BCL2L1: variants seen among roughly 807,000 people sequenced by gnomAD.
BCL2L1 encodes bcl-2-like protein 1.
A neutral mutation model predicts 18.7 loss-of-function variants in BCL2L1; 1 was observed. The observed-to-expected ratio is 0.05, with a 90% CI of 0.02 to 0.25. The LOEUF (loss-of-function observed/expected upper bound fraction) is 0.25. Among genes scored for constraint, BCL2L1 ranks in the 10% least tolerant of loss-of-function variants. The pLI is 1.00. For synonymous variants in BCL2L1, 103 were observed against 122.7 expected (o/e 0.84, Z 1.06); for missense variants, 207 against 304.9 (o/e 0.68, Z 2.39).
At chr20:31,716,097 T>C (rs982000229) in intron 2 of BCL2L1, among the ~76,000 whole-genome samples, 3 of 152,190 alleles carry the variant, frequency 2.0e-5, no homozygotes, top group African/African-American at 7.2e-5. Flanking sequence ...GGATGCTATA[T>C]AAGCTTCAAT....
At chr20:31,723,328 T>G, upstream of BCL2L1, 1 of 985,452 alleles carries the variant, frequency 1.0e-6, no homozygotes. Flanking sequence ...TGGGTGAGGG[T>G]GAGGCGCTGG....
At chr20:31,709,340 C>T (rs1005758099) in intron 2 of BCL2L1, among the ~76,000 whole-genome samples, 6 of 152,010 alleles carry the variant, frequency 3.9e-5, no homozygotes, top group South Asian at 2.1e-4. Flanking sequence ...CGCGCGTGCA[C>T]GCGTGTGTAA....
intron 2 of BCL2L1, among the ~76,000 whole-genome samples, chr20:31,681,502 T>C (rs1191676781): frequency 6.6e-6 from 1 of 152,054 alleles, no homozygotes; most frequent in African/African-American, 2.4e-5. Flanking sequence ...TGACACAAAG[T>C]AGCCAGGCGT....
At chr20:31,694,752 A>G (rs2061139792) in intron 2 of BCL2L1, among the ~76,000 whole-genome samples, 1 of 152,160 alleles carries the variant, frequency 6.6e-6, no homozygotes, top group African/African-American at 2.4e-5. Flanking sequence ...ATTGAAGGAA[A>G]CTAAGGCTTG....
intron 2 of BCL2L1, among the ~76,000 whole-genome samples, chr20:31,702,093 T>TC (rs1265431594): frequency 6.6e-6 from 1 of 152,062 alleles, no homozygotes; most frequent in African/African-American, 2.4e-5. Flanking sequence ...AAACTGAAGG[T>TC]CAAGGAAAGT....
chr20:31,665,588 T>C lies in BCL2L1; in HGVS notation c.*361A>G. ...TTTCTGGGGAAGAGGTTCTGAAAACTTTCAAGCTCCCTGGCAGAAAAACAT... is the reference window on the plus strand; with the variant it reads ...TTTCTGGGGAAGAGGTTCTGAAAACCTTCAAGCTCCCTGGCAGAAAAACAT... On this transcript the variant is annotated 3_prime_UTR_variant, in exon 3 of 3. Transcript: ENST00000307677. 4.1e-6 allele frequency: 1 copy of C among 245,778 alleles called. No individual in the cohort carries two copies. The highest frequency in any genetic ancestry group is 1.1e-4 in the South Asian group (1 of 8,896). The allele number at this position is 245,778 out of a possible 1,614,324, so 15.2% of individuals were successfully genotyped here.
At chr20:31,677,913 T>C (rs1475426321) in intron 2 of BCL2L1, among the ~76,000 whole-genome samples, 1 of 152,092 alleles carries the variant, frequency 6.6e-6, no homozygotes, top group Non-Finnish European at 1.5e-5. Context: ...TCTGGCTGAG[T>C]GTTGGACAGA....
chr20:31,685,293 G>A (rs776574271), intron 2 of BCL2L1, among the ~76,000 whole-genome samples: 7 of 151,974 alleles, frequency 4.6e-5, no homozygotes, highest in Non-Finnish European at 8.8e-5. Context: ...CCACCTACTC[G>A]GGAGGCTTAG....
In BCL2L1 at chr20:31,718,153, C is replaced by T. The variant is rs188909037; in HGVS notation, c.564+3502G>A. On this transcript the variant is annotated intron_variant, in intron 2 of 2. Transcript: ENST00000307677. ...GGCTATCATTATTCCATTTTACAGG[C>T]GGGAGAGACAGATGGACAAGACAGC... is the stretch of plus-strand genomic sequence containing the variant. Among the ~76,000 whole-genome samples, 557 of 152,242 alleles carry T rather than the reference C, an allele frequency of 3.7e-3. 2 individuals are homozygous for T. Among genetic ancestry groups the T allele is most frequent in the African/African-American group, 0.013 (533 of 41,526 alleles).
At chr20:31,720,411 T>C in intron 2 of BCL2L1, 1 of 561,704 alleles carries the variant, frequency 1.8e-6, no homozygotes, top group Non-Finnish European at 2.3e-6. Flanking sequence ...GATGCTTTTC[T>C]GCATACTCTG....
intron 2 of BCL2L1, among the ~76,000 whole-genome samples, chr20:31,713,951 A>T (rs2061488781): frequency 6.6e-6 from 1 of 152,196 alleles, no homozygotes; most frequent in Admixed American, 6.5e-5. Flanking sequence ...CGGAGATGTC[A>T]TCCTTCCTGC....
intron 2 of BCL2L1, among the ~76,000 whole-genome samples, chr20:31,685,657 G>C (rs998485868): frequency 6.6e-6 from 1 of 152,182 alleles, no homozygotes. Context: ...CATCTGAAAA[G>C]TGTGGAGGAT....
chr20:31,718,443 G>A (rs879904076), intron 2 of BCL2L1, among the ~76,000 whole-genome samples: 1 of 152,084 alleles, frequency 6.6e-6, no homozygotes, highest in Non-Finnish European at 1.5e-5. Context: ...ATCACCTGAG[G>A]TTGGGAGTTT....
chr20:31,689,448 G>T (rs907136778), intron 2 of BCL2L1, among the ~76,000 whole-genome samples: 4 of 147,600 alleles, frequency 2.7e-5, no homozygotes, highest in African/African-American at 9.9e-5. Flanking sequence ...AAAAAAAAAA[G>T]AAAGAAAGAA....
At chr20:31,678,080 G>A (rs1216914835) in intron 2 of BCL2L1, among the ~76,000 whole-genome samples, 1 of 152,224 alleles carries the variant, frequency 6.6e-6, no homozygotes, top group Non-Finnish European at 1.5e-5. Flanking sequence ...GGGACAGGAA[G>A]CTTATGGGAA....
intron 2 of BCL2L1, among the ~76,000 whole-genome samples, chr20:31,720,394 A>G (rs2061603672): frequency 6.6e-6 from 1 of 152,154 alleles, no homozygotes; most frequent in African/African-American, 2.4e-5. Context: ...CTTATTTTCC[A>G]CAGCTTGATG....
intron 2 of BCL2L1, among the ~76,000 whole-genome samples, chr20:31,681,961 G>A (rs2060871548): frequency 1.3e-5 from 2 of 152,254 alleles, no homozygotes; most frequent in Non-Finnish European, 2.9e-5. Context: ...TGCCTAGGCT[G>A]TGGCTATTCC....
chr20:31,676,767 C>G (rs966786893), intron 2 of BCL2L1, among the ~76,000 whole-genome samples: 3 of 152,180 alleles, frequency 2.0e-5, no homozygotes, highest in Admixed American at 6.5e-5. Flanking sequence ...GGGTCTGTTT[C>G]ATTCTGATGG....
chr20:31,715,908 T>C (rs1393703340), intron 2 of BCL2L1, among the ~76,000 whole-genome samples: 1 of 152,050 alleles, frequency 6.6e-6, no homozygotes, highest in African/African-American at 2.4e-5. Flanking sequence ...CTCGGCTCAC[T>C]GCAACCTCCA....
Sources: gnomAD v4.1 joint callset for allele counts (sites outside exome capture counted in the v4.1 genomes callset) on GRCh38, gnomAD v4.1.1 for gene constraint, MANE v1.5 for transcripts, NCBI Gene and HGNC (gene_info 2026-07-23, HGNC 2026-07-21) for gene names.